Variants in XDH observed in about 807,000 individuals in gnomAD.
The protein encoded by XDH is xanthine dehydrogenase, also known as xanthine dehydrogenase/oxidase.
XDH carries 138 observed loss-of-function variants against 156.1 expected under a neutral mutation model. That is an observed-to-expected ratio of 0.88 (90% CI 0.77 to 1.02). XDH has a LOEUF of 1.02. Among genes scored for constraint, XDH ranks in the 50% least tolerant of loss-of-function variants. XDH has a pLI of 0.00. For missense variants in XDH, 1,849 were observed against 1,684.9 expected, an observed-to-expected ratio of 1.10 and a Z score of -1.71; for synonymous variants, 669 against 625.7, an observed-to-expected ratio of 1.07 and a Z score of -1.03.
At chr2:31,336,126 T>C (rs1684965830) in intron 35 of XDH, 118 bp from the exon 36 acceptor site, 15 of 1,090,388 alleles carry the variant, frequency 1.4e-5, no homozygotes, top group Non-Finnish European at 2.1e-5. Context: ...AGCACCACTC[T>C]GCAGGCCTAG....
chr2:31,377,310 A>G (rs1686271411), intron 13 of XDH, 73 bp from the exon 14 acceptor site: 1 of 1,553,416 alleles, frequency 6.4e-7, no homozygotes, highest in Non-Finnish European at 8.9e-7. Flanking sequence ...CCCAAACCAC[A>G]GGGCTATGAG....
chr2:31,378,167 G>C lies in XDH; in HGVS notation c.1243-930C>G, dbSNP rs866595884. Among the ~76,000 whole-genome samples, 11 of 99,170 alleles carry C rather than the reference G, an allele frequency of 1.1e-4. No homozygotes were observed. In the South Asian group the frequency reaches 2.3e-3, roughly 21 times the overall value. 65.1% of individuals were successfully genotyped at this position (99,170 alleles called of 152,430 possible). On this transcript the variant is annotated intron_variant, in intron 13 of 35. Coordinates refer to ENST00000379416, the MANE Select transcript of XDH (RefSeq NM_000379.4). Reference sequence around the variant, plus strand: ...GGAAGGAAGGAAGGAAGGAAGGAAGGAAGGAAGGAAGCAAGCAAGCAAGCA... The same window carrying C: ...GGAAGGAAGGAAGGAAGGAAGGAAGCAAGGAAGGAAGCAAGCAAGCAAGCA...
intron 15 of XDH, 107 bp from the exon 16 acceptor site, chr2:31,374,063 T>G: frequency 8.7e-7 from 1 of 1,154,716 alleles, no homozygotes; most frequent in Non-Finnish European, 1.3e-6. Flanking sequence ...CCCTTGTCTC[T>G]TCACTTCATA....
chr2:31,352,826 G>C (rs1181435577), intron 24 of XDH, among the ~76,000 whole-genome samples: 1 of 151,798 alleles, frequency 6.6e-6, no homozygotes, highest in Non-Finnish European at 1.5e-5. Context: ...GCCCCTAGCA[G>C]AGAGGAGTGT....
At chr2:31,361,778 T>C (rs1305826335) in intron 24 of XDH, among the ~76,000 whole-genome samples, 1 of 152,202 alleles carries the variant, frequency 6.6e-6, no homozygotes, top group Non-Finnish European at 1.5e-5. Context: ...ATCCTCAATA[T>C]GTTTTGAGGT....
At chr2:31,339,764 A>C (rs1172992041) in intron 33 of XDH, 87 bp from the exon 34 acceptor site, 1 of 1,534,074 alleles carries the variant, frequency 6.5e-7, no homozygotes, top group Non-Finnish European at 8.9e-7. Flanking sequence ...CAAAGCGCCA[A>C]CTGCAGCGCG....
intron 26 of XDH, 141 bp from the exon 27 acceptor site, chr2:31,349,121 A>AG: frequency 1.3e-6 from 1 of 790,880 alleles, no homozygotes; most frequent in Non-Finnish European, 2.1e-6. Flanking sequence ...AGCCCACACC[A>AG]GGGGGTCTTG....
At chr2:31,387,734 T>C in intron 8 of XDH, 77 bp downstream of exon 8, 2 of 1,328,098 alleles carry the variant, frequency 1.5e-6, no homozygotes, top group Non-Finnish European at 2.1e-6. Context: ...AAGTTCCCAG[T>C]GGGTATGAAA....
At position 31,339,516 on chromosome 2, in the gene XDH, G is replaced by A. The variant is rs1326293742; in HGVS notation, c.3747C>T (p.Pro1249=). ...TCGATGCATAGATGGCCTTCTTGTT[G>A]GGGCAGTCGCGGAGCAGGGACACCC... is the stretch of plus-strand genomic sequence containing the variant. The part of the protein sequence containing the change: ...EFRVSLLRDC[P]NKKAIYASKA... The change falls in exon 34 of 36, where the codon CCC becomes CCT. Residue 1249 remains proline, a synonymous_variant. Transcript: ENST00000379416. The A allele has an allele frequency of 2.5e-6, 4 of 1,614,084 alleles. No individual in the cohort carries two copies. Among genetic ancestry groups the A allele is most frequent in the Non-Finnish European group, 3.4e-6 (4 of 1,180,054 alleles).
intron 12 of XDH, among the ~76,000 whole-genome samples, chr2:31,381,378 C>A (rs1686432895): frequency 6.6e-6 from 1 of 152,192 alleles, no homozygotes; most frequent in Admixed American, 6.5e-5. Flanking sequence ...CTGTGGTGAG[C>A]CAGTGCATCC....
At chr2:31,413,363 T>C (rs1687392455) in intron 1 of XDH, among the ~76,000 whole-genome samples, 1 of 152,202 alleles carries the variant, frequency 6.6e-6, no homozygotes, top group Non-Finnish European at 1.5e-5. Context: ...GCCCTACTTC[T>C]TGGGTTGGTA....
At chr2:31,381,391 GC>G (rs1359637545) in intron 12 of XDH, among the ~76,000 whole-genome samples, 2 of 152,214 alleles carry the variant, frequency 1.3e-5, no homozygotes, top group African/African-American at 4.8e-5. Flanking sequence ...GTGCATCCCA[GC>G]CCCAGTACCC....
intron 28 of XDH, 105 bp from the exon 29 acceptor site, chr2:31,347,755 A>C: frequency 6.9e-7 from 1 of 1,445,172 alleles, no homozygotes; most frequent in Non-Finnish European, 9.4e-7. Flanking sequence ...GCAAGAAAAC[A>C]ATTTCGTAAA....
In XDH at chr2:31,367,985, A is replaced by C. The variant is rs772085586; in HGVS notation, c.2173T>G (p.Ser725Ala). 2.4e-5 allele frequency: 38 copies of C among 1,614,024 alleles called. No homozygotes were observed. The highest frequency in any genetic ancestry group is 3.3e-5 in the Admixed American group (2 of 60,004). The change falls in exon 20 of 36, where the codon TCC (serine) becomes GCC (alanine). Residue 725 changes from serine (S) to alanine (A), a missense_variant. Transcript: ENST00000379416. Reference sequence around the variant, plus strand: ...CCTGACACAACATTATCTGCTTCGGAAAACCCCTTCTTTAGGTCCCCTTTC... The same window carrying C: ...CCTGACACAACATTATCTGCTTCGGCAAACCCCTTCTTTAGGTCCCCTTTC... Reference protein sequence around the residue: ...IEKGDLKKGFSEADNVVSGEI... With the variant: ...IEKGDLKKGFAEADNVVSGEI...
chr2:31,402,421 T>C (rs938492002), intron 3 of XDH, among the ~76,000 whole-genome samples: 32 of 152,182 alleles, frequency 2.1e-4, no homozygotes, highest in Admixed American at 2.0e-3. Context: ...GTAAAAATTG[T>C]ATCATGCCTG....
In XDH at chr2:31,335,765, C is replaced by T. The variant is rs147693897; in HGVS notation, c.*193G>A. On this transcript the variant is annotated 3_prime_UTR_variant, in exon 36 of 36. Coordinates refer to ENST00000379416, the MANE Select transcript of XDH (RefSeq NM_000379.4). ...TTTAGGCATAACAGTTTTGAATTTG[C>T]TTATCATTGTGTTTACAAATTACAT... The T allele has an allele frequency of 1.3e-4, 84 of 661,950 alleles. 1 individual carries two copies. In the East Asian group the frequency reaches 2.2e-3, roughly 17 times the overall value. The allele number at this position is 661,950 out of a possible 1,614,324, so 41.0% of individuals were successfully genotyped here.
At position 31,349,074 on chromosome 2, in the gene XDH, G is replaced by A. The variant is rs1054199288; in HGVS notation, c.2970-94C>T. 6.3e-6 allele frequency: 8 copies of A among 1,263,146 alleles called. No homozygotes were observed. The African/African-American group carries it at 7.4e-5, about 12-fold the overall frequency. The allele number at this position is 1,263,146 out of a possible 1,614,324, so 78.2% of individuals were successfully genotyped here. A position where few individuals can be genotyped will look rare whatever the true frequency, so the allele number is the denominator to read the frequency against. ...TCACATCAAAACAGGACATCCTTGG[G>A]GTTGCCCACAAAGATGAGAACAGTC... On this transcript the variant is annotated intron_variant, in intron 26 of 35. Coordinates refer to ENST00000379416, the MANE Select transcript of XDH (RefSeq NM_000379.4).
intron 24 of XDH, among the ~76,000 whole-genome samples, chr2:31,356,871 T>C (rs977457863): frequency 1.3e-5 from 2 of 152,132 alleles, no homozygotes; most frequent in African/African-American, 4.8e-5. Context: ...TGAAATCCTA[T>C]AGACTGTGTT....
At chr2:31,369,598 G>A (rs908650670) in intron 18 of XDH, among the ~76,000 whole-genome samples, 4 of 152,096 alleles carry the variant, frequency 2.6e-5, no homozygotes, top group Non-Finnish European at 4.4e-5. Flanking sequence ...CTGGCTGTTG[G>A]TTATTGCAAT....
Sources: allele counts gnomAD v4.1 joint callset (sites outside exome capture counted in the v4.1 genomes callset), GRCh38; gene constraint gnomAD v4.1.1; transcripts MANE v1.5; gene names NCBI Gene and HGNC (gene_info 2026-07-23, HGNC 2026-07-21).